Variants in DLGAP1 observed in about 807,000 individuals in gnomAD.
The protein encoded by DLGAP1 is disks large-associated protein 1.
A neutral mutation model predicts 90.8 loss-of-function variants in DLGAP1; 11 were observed. The observed-to-expected ratio is 0.12, with a 90% CI of 0.08 to 0.20. The LOEUF (loss-of-function observed/expected upper bound fraction) is 0.20, where lower values mean the gene tolerates loss of function less well. DLGAP1 is among the 10% of genes least tolerant of loss of function. The probability of loss-of-function intolerance (pLI) is 1.00; values close to 1 mark genes in which losing one functional copy is unlikely to be tolerated. For missense variants in DLGAP1, 1,050 were observed against 1,333.8 expected (o/e 0.79, Z 3.31); for synonymous variants, 558 against 540.7 (o/e 1.03, Z -0.44).
chr18:3,568,853 A>AT (rs1220588047), intron 8 of DLGAP1, among the ~76,000 whole-genome samples: 2 of 151,472 alleles, frequency 1.3e-5, no homozygotes, highest in African/African-American at 2.4e-5. Flanking sequence ...CGCCTGGCTA[A>AT]TTTTTTATAT....
chr18:3,733,599 A>G (rs2147518106), intron 6 of DLGAP1, among the ~76,000 whole-genome samples: 2 of 152,334 alleles, frequency 1.3e-5, no homozygotes, highest in South Asian at 4.1e-4. Flanking sequence ...TTTTCAACTC[A>G]CAATGGGTCT....
chr18:3,734,260 T>C (rs1262899334), intron 6 of DLGAP1, among the ~76,000 whole-genome samples: 1 of 152,120 alleles, frequency 6.6e-6, no homozygotes, highest in African/African-American at 2.4e-5. Context: ...TTTCTCTCTC[T>C]CTCTCTCTAA....
At chr18:4,226,655 A>G (rs1342737649) in intron 1 of DLGAP1, among the ~76,000 whole-genome samples, 1 of 147,382 alleles carries the variant, frequency 6.8e-6, no homozygotes, top group Non-Finnish European at 1.5e-5. Flanking sequence ...GTATTATAAG[A>G]TATTATTTGC....
intron 1 of DLGAP1, among the ~76,000 whole-genome samples, chr18:4,363,579 T>A (rs1008025680): frequency 6.6e-6 from 1 of 151,778 alleles, no homozygotes; most frequent in Non-Finnish European, 1.5e-5. Flanking sequence ...AACAACCCCA[T>A]CAAAAAGTGG....
intron 4 of DLGAP1, among the ~76,000 whole-genome samples, chr18:3,842,130 TG>T (rs2068751623): frequency 1.1e-5 from 1 of 93,540 alleles, no homozygotes; most frequent in African/African-American, 4.2e-5. Context: ...GGGTGAGGGG[TG>T]GAGGGGGTTG....
intron 1 of DLGAP1, among the ~76,000 whole-genome samples, chr18:4,277,740 C>A (rs1343698474): frequency 1.3e-5 from 2 of 152,148 alleles, no homozygotes; most frequent in Non-Finnish European, 2.9e-5. Flanking sequence ...AGAGATACTA[C>A]TGTGATAGAA....
chr18:3,530,007 C>T (rs2051887484), intron 10 of DLGAP1, among the ~76,000 whole-genome samples: 2 of 152,124 alleles, frequency 1.3e-5, no homozygotes, highest in South Asian at 2.1e-4. Context: ...AATGAGTATC[C>T]TCACACATCA....
At chr18:4,117,860 T>C (rs1429039957) in intron 2 of DLGAP1, among the ~76,000 whole-genome samples, 2 of 152,178 alleles carry the variant, frequency 1.3e-5, no homozygotes, top group East Asian at 3.9e-4. Context: ...AAGTTTGTGC[T>C]TAAGCCTCTA....
chr18:4,212,987 TC>T (rs1421839366), intron 1 of DLGAP1, among the ~76,000 whole-genome samples: 2 of 152,202 alleles, frequency 1.3e-5, no homozygotes, highest in Non-Finnish European at 2.9e-5. Flanking sequence ...TATATTTACA[TC>T]ATTTCATAAG....
chr18:3,707,723 C>T (rs1045058836), intron 7 of DLGAP1, among the ~76,000 whole-genome samples: 3 of 152,060 alleles, frequency 2.0e-5, no homozygotes, highest in African/African-American at 4.8e-5. Context: ...ATTGGTGCTG[C>T]GTTCCTGGAA....
intron 5 of DLGAP1, among the ~76,000 whole-genome samples, chr18:3,793,389 G>A (rs78132607): frequency 6.6e-6 from 1 of 152,078 alleles, no homozygotes; most frequent in Non-Finnish European, 1.5e-5. Context: ...ATTTCTTCTC[G>A]ATAGAGCAGC....
At chr18:4,420,637 T>C (rs1349004169) in intron 1 of DLGAP1, among the ~76,000 whole-genome samples, 6 of 152,162 alleles carry the variant, frequency 3.9e-5, no homozygotes, top group Non-Finnish European at 8.8e-5. Context: ...ATTTAGTTAT[T>C]GCTATGCACT....
intron 7 of DLGAP1, among the ~76,000 whole-genome samples, chr18:3,639,890 G>T (rs1179767554): frequency 6.9e-6 from 1 of 144,560 alleles, no homozygotes; most frequent in Admixed American, 6.8e-5. Context: ...GAGCAGCTGG[G>T]ACTACAGGCG....
chr18:3,613,340 TTTTG>T (rs1235328536), intron 7 of DLGAP1, among the ~76,000 whole-genome samples: 2 of 152,096 alleles, frequency 1.3e-5, no homozygotes, highest in African/African-American at 4.8e-5. Context: ...TTCCGTTTTG[TTTTG>T]TTTGTTTTTC....
intron 7 of DLGAP1, among the ~76,000 whole-genome samples, chr18:3,611,143 A>G (rs114395151): frequency 0.016 from 2,380 of 151,808 alleles, 64 homozygotes; most frequent in African/African-American, 0.054. Flanking sequence ...AAAAAAAAAA[A>G]GTGTATACTT....
chr18:4,071,033 A>T (rs1281682305), intron 2 of DLGAP1, among the ~76,000 whole-genome samples: 1 of 152,164 alleles, frequency 6.6e-6, no homozygotes, highest in Admixed American at 6.5e-5. Flanking sequence ...ACTTATGAGA[A>T]ATGTGATTTT....
chr18:4,252,808 G>A (rs996021507), intron 1 of DLGAP1, among the ~76,000 whole-genome samples: 7 of 152,200 alleles, frequency 4.6e-5, no homozygotes, highest in African/African-American at 1.7e-4. Context: ...TCGCCACAGA[G>A]CTGAACATCA....
chr18:4,361,691 CTATT>C, intron 1 of DLGAP1, among the ~76,000 whole-genome samples: 1 of 152,108 alleles, frequency 6.6e-6, no homozygotes, highest in Non-Finnish European at 1.5e-5. Context: ...AATTTGGCAA[CTATT>C]TTTTTGATTA....
intron 10 of DLGAP1, among the ~76,000 whole-genome samples, chr18:3,519,037 C>G (rs1182329828): frequency 1.3e-5 from 2 of 152,154 alleles, no homozygotes; most frequent in African/African-American, 4.8e-5. Context: ...TTTAGTGCCT[C>G]TCTGTATAAT....
Sources: gnomAD v4.1 joint callset for allele counts (sites outside exome capture counted in the v4.1 genomes callset) on GRCh38, gnomAD v4.1.1 for gene constraint, MANE v1.5 for transcripts, NCBI Gene and HGNC (gene_info 2026-07-23, HGNC 2026-07-21) for gene names.